The following WIPF1 variants were observed in gnomAD, a reference collection of about 807,000 sequenced individuals.
WIPF1 encodes WAS/WASL-interacting protein family member 1.
Under a neutral mutation model 35.4 loss-of-function variants are expected in WIPF1, and 13 were observed. That is an observed-to-expected ratio of 0.37 (90% CI 0.24 to 0.58). The LOEUF (loss-of-function observed/expected upper bound fraction) is 0.58. Ranked by LOEUF, WIPF1 falls within the 20% of genes least tolerant of loss-of-function variation. The pLI is 0.74. For missense variants in WIPF1, 591 were observed against 667.0 expected (o/e 0.89, Z 1.25); for synonymous variants, 267 against 266.3 (o/e 1.00, Z -0.02).
At chr2:174,659,283 T>C (rs907470135) in intron 1 of WIPF1, among the ~76,000 whole-genome samples, 1 of 152,180 alleles carries the variant, frequency 6.6e-6, no homozygotes, top group Non-Finnish European at 1.5e-5. Context: ...TCTCAACAGC[T>C]ACTTTCAATG....
At chr2:174,669,724 A>G (rs149063602) in intron 1 of WIPF1, among the ~76,000 whole-genome samples, 11 of 152,288 alleles carry the variant, frequency 7.2e-5, no homozygotes, top group Admixed American at 2.0e-4. Context: ...AAATGAAAAA[A>G]TGTTAGTCGA....
chr2:174,661,619 A>G (rs1035075473), intron 1 of WIPF1, among the ~76,000 whole-genome samples: 1 of 152,002 alleles, frequency 6.6e-6, no homozygotes, highest in Non-Finnish European at 1.5e-5. Flanking sequence ...CTTTTTTCAC[A>G]GCCCTCATCA....
At chr2:174,587,345 C>CAA (rs1685457908) in intron 1 of WIPF1, 1 of 151,706 alleles carries the variant, frequency 6.6e-6, no homozygotes, top group African/African-American at 2.4e-5. Context: ...CCCTTAATTG[C>CAA]AAAAAACAAT....
At chr2:174,672,817 G>A (rs2105989027) in intron 1 of WIPF1, among the ~76,000 whole-genome samples, 2 of 152,296 alleles carry the variant, frequency 1.3e-5, no homozygotes, top group East Asian at 3.9e-4. Context: ...ACAAAGCTGG[G>A]ATTAGACTAC....
intron 3 of WIPF1, among the ~76,000 whole-genome samples, chr2:174,579,167 G>A (rs188994267): frequency 2.0e-4 from 30 of 152,190 alleles, no homozygotes; most frequent in East Asian, 1.5e-3. Context: ...ACAGGCATGC[G>A]CCACCACACC....
intron 1 of WIPF1, among the ~76,000 whole-genome samples, chr2:174,657,364 T>A (rs1687661718): frequency 6.6e-6 from 1 of 152,206 alleles, no homozygotes; most frequent in African/African-American, 2.4e-5. Flanking sequence ...TAAACCTACC[T>A]CCAATTAATA....
intron 1 of WIPF1, among the ~76,000 whole-genome samples, chr2:174,674,991 C>T (rs1381963562): frequency 6.6e-6 from 1 of 151,240 alleles, no homozygotes; most frequent in African/African-American, 2.4e-5. Flanking sequence ...AAACTTGACA[C>T]AATATGAACA....
At chr2:174,676,713 C>T (rs1042714680) in intron 1 of WIPF1, 5 of 152,158 alleles carry the variant, frequency 3.3e-5, no homozygotes, top group African/African-American at 1.2e-4. Context: ...GAATCAGATA[C>T]AGGTATTAGA....
At chr2:174,574,071 T>A (rs1418787921) in intron 4 of WIPF1, among the ~76,000 whole-genome samples, 1 of 151,946 alleles carries the variant, frequency 6.6e-6, no homozygotes, top group African/African-American at 2.4e-5. Context: ...TGTTTTTTTT[T>A]AGTAGAGACA....
At chr2:174,648,064 G>C (rs1380087924) in intron 1 of WIPF1, among the ~76,000 whole-genome samples, 1 of 152,118 alleles carries the variant, frequency 6.6e-6, no homozygotes, top group Admixed American at 6.5e-5. Flanking sequence ...CATTTTTTCT[G>C]GGTTATGATT....
chr2:174,597,316 A>G (rs183929118), intron 1 of WIPF1, among the ~76,000 whole-genome samples: 17 of 152,328 alleles, frequency 1.1e-4, no homozygotes, highest in Non-Finnish European at 2.4e-4. Context: ...TAAGCCCCCA[A>G]TTTAAATGGG....
chr2:174,639,393 A>G (rs1205540058), intron 1 of WIPF1, among the ~76,000 whole-genome samples: 2 of 152,186 alleles, frequency 1.3e-5, no homozygotes, highest in Admixed American at 1.3e-4. Flanking sequence ...AGCTGAGATT[A>G]GAGGCATGCA....
intron 1 of WIPF1, among the ~76,000 whole-genome samples, chr2:174,610,111 G>A (rs1051092413): frequency 1.3e-5 from 2 of 152,070 alleles, no homozygotes; most frequent in Non-Finnish European, 2.9e-5. Context: ...AAACACTTTC[G>A]GGTTGCCTCG....
At position 174,650,927 on chromosome 2, in the gene WIPF1, C is replaced by T. The variant is rs192572765; in HGVS notation, c.-39+31847G>A. 6.8e-4 allele frequency among the ~76,000 whole-genome samples: 103 copies of T among 152,372 alleles called. No homozygotes were observed. In the Middle Eastern group the frequency reaches 0.01, roughly 15 times the overall value. ...GACAGCCCTACAGACTGGCATCACA[C>T]GTGCTGTGGATTTGCCATCCCTAAT... On this transcript the variant is annotated intron_variant, in intron 1 of 8. Coordinates refer to the WIPF1 transcript ENST00000272746.
chr2:174,572,278 A>T lies in WIPF1; in HGVS notation c.527T>A (p.Val176Glu), dbSNP rs1232345082. 2 of 1,614,084 alleles carry T rather than the reference A, an allele frequency of 1.2e-6. No individual in the cohort carries two copies. Among genetic ancestry groups the T allele is most frequent in the African/African-American group, 2.7e-5 (2 of 74,998 alleles). ...RNRMPPPRPD[V>E]GSKPDSIPPP... ...AGGAATGCTATCAGGCTTTGAGCCC[A>T]CGTCGGGCCTTGGGGGCGGCATTCG... is the stretch of plus-strand genomic sequence containing the variant. The change falls in exon 5 of 8, where the codon GTG becomes GAG. Residue 176 changes from valine (V) to glutamate (E), a missense_variant. By Grantham distance (121) the Val-to-Glu change is moderately radical. Around this residue, in one of 3 missense-constraint regions of WIPF1, gnomAD observed 471 missense variants for 501.1 expected, o/e 0.94. Coordinates refer to ENST00000679041, the MANE Select transcript of WIPF1 (RefSeq NM_001375834.1).
intron 1 of WIPF1, among the ~76,000 whole-genome samples, chr2:174,615,017 T>C (rs750407283): frequency 7.9e-5 from 12 of 152,338 alleles, no homozygotes; most frequent in Non-Finnish European, 1.8e-4. Context: ...TGGAGAACAA[T>C]AGCGACATAT....
At chr2:174,567,399 TGA>T (rs1684696034) in intron 6 of WIPF1, among the ~76,000 whole-genome samples, 1 of 152,222 alleles carries the variant, frequency 6.6e-6, no homozygotes, top group Non-Finnish European at 1.5e-5. Flanking sequence ...GTGGTTTTAG[TGA>T]GAGTGATTAG....
rs1353317215 is a variant in WIPF1, at chr2:174,617,295, T to G, written c.-38-31684A>C. Among the ~76,000 whole-genome samples the G allele has an allele frequency of 2.0e-5, 3 of 152,222 alleles. No homozygotes were observed. The East Asian group carries it at 5.8e-4, about 29-fold the overall frequency. ...TGAAACCCAGCATAACCTTTTGGGC[T>G]GCTCTGGAAAAACACATTGAGCAAT... On this transcript the variant is annotated intron_variant, in intron 1 of 8. Coordinates refer to the WIPF1 transcript ENST00000272746.
chr2:174,672,600 T>G (rs1215392781), intron 1 of WIPF1, among the ~76,000 whole-genome samples: 2 of 152,224 alleles, frequency 1.3e-5, no homozygotes, highest in Non-Finnish European at 2.9e-5. Flanking sequence ...ACAGGCATGG[T>G]AAAATATCAG....
Sources: gnomAD v4.1 joint callset for allele counts (sites outside exome capture counted in the v4.1 genomes callset) on GRCh38, gnomAD v4.1.1 for gene constraint, gnomAD v4.1.1 regional missense constraint, MANE v1.5 for transcripts, NCBI Gene and HGNC (gene_info 2026-07-23, HGNC 2026-07-21) for gene names.